Variants in IQGAP1 observed in about 807,000 individuals in gnomAD.
IQGAP1 encodes the protein IQ motif containing GTPase activating protein 1.
A neutral mutation model predicts 215.6 loss-of-function variants in IQGAP1; 66 were observed. The observed-to-expected ratio is 0.31, with a 90% CI of 0.25 to 0.38. IQGAP1 has a LOEUF of 0.38. Ranked by LOEUF, IQGAP1 falls within the 10% of genes least tolerant of loss-of-function variation. The pLI, the probability that IQGAP1 is intolerant of heterozygous loss-of-function variation, is 1.00. For missense variants in IQGAP1, 1,712 were observed against 1,997.1 expected, an observed-to-expected ratio of 0.86 and a Z score of 2.72; for synonymous variants, 772 against 728.7, an observed-to-expected ratio of 1.06 and a Z score of -0.96.
intron 33 of IQGAP1, among the ~76,000 whole-genome samples, chr15:90,489,602 A>C (rs1966175412): frequency 6.6e-6 from 1 of 152,226 alleles, no homozygotes; most frequent in South Asian, 2.1e-4. Context: ...GGCATCTGAA[A>C]TCCAGCCCTA....
At chr15:90,487,322 T>C in intron 32 of IQGAP1, 173 bp from the exon 33 acceptor site, 1 of 658,930 alleles carries the variant, frequency 1.5e-6, no homozygotes. Flanking sequence ...TCGTACCTAC[T>C]TATGGAATGG....
At chr15:90,487,917 CT>C (rs1260775018) in intron 33 of IQGAP1, among the ~76,000 whole-genome samples, 4 of 152,074 alleles carry the variant, frequency 2.6e-5, no homozygotes, top group Admixed American at 2.6e-4. Flanking sequence ...GTTGAAGTCC[CT>C]TATATAAAAT....
chr15:90,416,306 G>A (rs987610703), intron 2 of IQGAP1, among the ~76,000 whole-genome samples: 49 of 151,930 alleles, frequency 3.2e-4, no homozygotes, highest in African/African-American at 1.1e-3. Context: ...TTCTATCATT[G>A]ATGGACATTT....
chr15:90,460,999 TAAAAAAAA>T (rs36022965), intron 15 of IQGAP1, among the ~76,000 whole-genome samples: 2 of 88,748 alleles, frequency 2.3e-5, no homozygotes, highest in East Asian at 3.5e-4. Context: ...ACCCTGTCTT[TAAAAAAAA>T]AAAAAAAAAA....
chr15:90,469,345 A>G (rs562170440), intron 18 of IQGAP1, among the ~76,000 whole-genome samples: 10 of 152,340 alleles, frequency 6.6e-5, no homozygotes, highest in Admixed American at 5.2e-4. Flanking sequence ...GGAACAAGTC[A>G]AAAATACACC....
Position 90,492,525 on chromosome 15 carries a change from C to CT in IQGAP1, c.4462-17dup. 6.6e-7 allele frequency: 1 copy of CT among 1,509,542 alleles called. No homozygotes were observed. Among genetic ancestry groups the CT allele is most frequent in the Non-Finnish European group, 8.9e-7 (1 of 1,120,972 alleles). 93.5% of individuals were successfully genotyped at this position (1,509,542 alleles called of 1,614,324 possible). On this transcript the variant is annotated intron_variant, in intron 34 of 37. Coordinates refer to ENST00000268182, the MANE Select transcript of IQGAP1 (RefSeq NM_003870.4). ...ATGATAACTGTCGTTATTTTTCTAA[C>CT]TTTAATAATTATGTCTCAGGATATT...
intron 26 of IQGAP1, 136 bp from the exon 27 acceptor site, chr15:90,481,824 C>A: frequency 2.3e-6 from 2 of 885,102 alleles, no homozygotes; most frequent in Non-Finnish European, 3.4e-6. Context: ...AGACTTATCA[C>A]TTACCAGCCC....
intron 9 of IQGAP1, among the ~76,000 whole-genome samples, chr15:90,447,523 GTATTT>G (rs1363688584): frequency 6.6e-6 from 1 of 151,972 alleles, no homozygotes; most frequent in Non-Finnish European, 1.5e-5. Context: ...TTTATTTTTG[GTATTT>G]TATTGATTTC....
In IQGAP1 at chr15:90,429,569, A is replaced by G. The variant is rs1385968642; in HGVS notation, c.313-20A>G. 1.9e-6 allele frequency: 3 copies of G among 1,553,768 alleles called. No homozygotes were observed. In the South Asian group the frequency reaches 3.6e-5, roughly 19 times the overall value. On this transcript the variant is annotated intron_variant, in intron 3 of 37. Transcript: ENST00000268182. ...GCTTCAATACAGCCAATAATACCTA[A>G]TTTTCTTTTTTTTTTCTAGGCGACT...
Position 90,466,113 on chromosome 15 carries a change from T to C in IQGAP1, c.1867+22T>C, listed in dbSNP as rs1965827111. ...AAGTGTATGTATCACCTGTTTTATT[T>C]CTGTTTTGGTGGAGGCTGGGGTGAC... On this transcript the variant is annotated intron_variant, in intron 16 of 37. Coordinates refer to ENST00000268182, the MANE Select transcript of IQGAP1 (RefSeq NM_003870.4). 1.9e-6 allele frequency: 3 copies of C among 1,610,752 alleles called. No individual in the cohort carries two copies. The East Asian group carries it at 6.7e-5, about 36-fold the overall frequency.
At chr15:90,388,424 G>C in intron 1 of IQGAP1, 28 bp downstream of exon 1, 1 of 1,557,906 alleles carries the variant, frequency 6.4e-7, no homozygotes, top group South Asian at 1.2e-5. Flanking sequence ...CGGCGCGGGG[G>C]CTTCGGGCTG....
intron 36 of IQGAP1, among the ~76,000 whole-genome samples, chr15:90,495,511 G>A (rs1966259308): frequency 6.6e-6 from 1 of 151,998 alleles, no homozygotes; most frequent in African/African-American, 2.4e-5. Context: ...CCACAAGCCA[G>A]AGATAACCAC....
chr15:90,466,152 C>G (rs532072813), intron 16 of IQGAP1, 61 bp downstream of exon 16: 1 of 1,578,148 alleles, frequency 6.3e-7, no homozygotes. Context: ...GTGCTCCGTA[C>G]AGCTTGACCA....
rs1255918746 is a variant in IQGAP1 at position 90,468,857 on chromosome 15, T to C, written c.2178+1265T>C. ...AAAAAAGGAATATTTAATTTAAAAA[T>C]TCAGTCCTCCAAGCACACCCATCTC... On this transcript the variant is annotated intron_variant, in intron 18 of 37. Coordinates refer to ENST00000268182, the MANE Select transcript of IQGAP1 (RefSeq NM_003870.4). 2.6e-5 allele frequency among the ~76,000 whole-genome samples: 4 copies of C among 152,216 alleles called. No homozygotes were observed. In the East Asian group the frequency reaches 7.7e-4, roughly 29 times the overall value.
chr15:90,456,140 C>T lies in IQGAP1; in HGVS notation c.1613-12C>T. The T allele has an allele frequency of 6.2e-7, 1 of 1,607,772 alleles. No homozygotes were observed. The highest frequency in any genetic ancestry group is 8.5e-7 in the Non-Finnish European group (1 of 1,177,396). The stretch of plus-strand genomic sequence containing the variant: ...ATTAGAAAAAAAAAACTTTCTGTCT[C>T]TTTATATTTAGGGATTTTAGCCATT... On this transcript the variant is annotated splice_polypyrimidine_tract_variant and intron_variant, in intron 14 of 37. Coordinates refer to ENST00000268182, the MANE Select transcript of IQGAP1 (RefSeq NM_003870.4).
At chr15:90,445,354 C>A (rs1965512986) in intron 9 of IQGAP1, among the ~76,000 whole-genome samples, 1 of 151,930 alleles carries the variant, frequency 6.6e-6, no homozygotes, top group African/African-American at 2.4e-5. Flanking sequence ...TACTGTAATG[C>A]CTTCATGCCT....
chr15:90,486,432 G>A, intron 31 of IQGAP1: 1 of 239,320 alleles, frequency 4.2e-6, no homozygotes, highest in Non-Finnish European at 8.1e-6. Context: ...GTCCTCTAAA[G>A]GAAAGAATTT....
In IQGAP1 at chr15:90,426,103, G is replaced by T. The variant is rs2256388; in HGVS notation, c.156-7G>T. The T allele has an allele frequency of 0.49, 780,717 of 1,590,090 alleles. 200,339 individuals carry two copies. Among genetic ancestry groups the T allele is most frequent in the East Asian group, 0.82 (35,985 of 43,828 alleles). The stretch of plus-strand genomic sequence containing the variant: ...TCTTTTTTTGCATCCTCTCTCCTTT[G>T]GTGCAGGTGGATGGAAGCATGCCTA... On this transcript the variant is annotated splice_region_variant and splice_polypyrimidine_tract_variant and intron_variant, in intron 2 of 37. Transcript: ENST00000268182.
chr15:90,481,269 C>CTTTTTTTTTTTTTTTTTTTTTT (rs57452745), intron 26 of IQGAP1, among the ~76,000 whole-genome samples: 1 of 113,182 alleles, frequency 8.8e-6, no homozygotes, highest in African/African-American at 3.3e-5. Flanking sequence ...CTCTCTGCCT[C>CTTTTTTTTTTTTTTTTTTTTTT]TTTTTTTTTT....
Sources: allele counts gnomAD v4.1 joint callset (sites outside exome capture counted in the v4.1 genomes callset), GRCh38; gene constraint gnomAD v4.1.1; transcripts MANE v1.5; gene names NCBI Gene and HGNC (gene_info 2026-07-23, HGNC 2026-07-21).